The following GPR89B variants were observed in gnomAD, a reference collection of about 807,000 sequenced individuals.
GPR89B encodes the protein golgi pH regulator B.
In GPR89B, 25 loss-of-function variants were observed where a neutral mutation model predicts 52.4. The ratio of observed to expected loss-of-function variants is 0.48; its 90% CI spans 0.35 to 0.67. The LOEUF (loss-of-function observed/expected upper bound fraction) is 0.67. GPR89B is among the 30% of genes least tolerant of loss of function. GPR89B has a pLI of 0.01. For missense variants in GPR89B, 146 were observed against 450.2 expected (o/e 0.32, Z 6.11); for synonymous variants, 52 against 151.2 (o/e 0.34, Z 4.81).
intron 10 of GPR89B, among the ~76,000 whole-genome samples, chr1:147,977,233 C>CAAA (rs1191631857): frequency 6.3e-4 from 26 of 41,332 alleles, no homozygotes; most frequent in South Asian, 3.7e-3. Flanking sequence ...GACTCCATCT[C>CAAA]AAAAAAAAAA....
chr1:147,940,708 A>G (rs1490683443), intron 3 of GPR89B, among the ~76,000 whole-genome samples: 4 of 152,212 alleles, frequency 2.6e-5, no homozygotes, highest in Admixed American at 6.5e-5. Flanking sequence ...CCATGCTCCA[A>G]TAAACTTAAT....
intron 1 of GPR89B, among the ~76,000 whole-genome samples, chr1:147,931,754 A>G (rs1405219834): frequency 2.7e-5 from 4 of 150,170 alleles, no homozygotes; most frequent in Non-Finnish European, 4.4e-5. Flanking sequence ...GCCCCCAAGT[A>G]GTCTCCAGTT....
intron 1 of GPR89B, chr1:147,929,109 C>CAA: frequency 1.6e-6 from 1 of 627,684 alleles, no homozygotes; most frequent in Non-Finnish European, 2.0e-6. Flanking sequence ...TATAAGGTTT[C>CAA]GTTTTTGCAC....
chr1:148,006,600 A>C, the GPR89B span, among the ~76,000 whole-genome samples: 1 of 152,144 alleles, frequency 6.6e-6, no homozygotes, highest in Non-Finnish European at 1.5e-5. Context: ...TTAACTTATA[A>C]ATTAGGCACA....
chr1:147,965,324 C>G (rs1214177084), intron 7 of GPR89B, among the ~76,000 whole-genome samples: 3 of 150,962 alleles, frequency 2.0e-5, no homozygotes, highest in South Asian at 4.2e-4. Context: ...TTGTATTAGT[C>G]CCAGGCATAA....
chr1:147,970,541 A>ATC lies in GPR89B; in HGVS notation c.909+594_909+595dup, dbSNP rs1230663138. On this transcript the variant is annotated intron_variant, in intron 10 of 13. Coordinates refer to ENST00000314163, the MANE Select transcript of GPR89B (RefSeq NM_016334.5). ...TCTCTCTCTCTCTCTCTCTATCTCT[A>ATC]TCTCTCTCTCTCTATCTCTCTCTCT... Among the ~76,000 whole-genome samples the ATC allele has an allele frequency of 7.4e-5, 7 of 94,586 alleles. No homozygotes were observed. The South Asian group carries it at 1.5e-3, about 21-fold the overall frequency. The allele number at this position is 94,586 out of a possible 152,430, so 62.1% of individuals were successfully genotyped here.
chr1:147,992,610 T>C, intron 13 of GPR89B, 43 bp downstream of exon 13: 3 of 1,611,486 alleles, frequency 1.9e-6, no homozygotes, highest in Non-Finnish European at 2.5e-6. Flanking sequence ...CTGTAAAATA[T>C]CAGAAATGTG....
intron 5 of GPR89B, among the ~76,000 whole-genome samples, chr1:147,949,308 A>AG (rs1285509638): frequency 2.7e-5 from 4 of 148,858 alleles, no homozygotes; most frequent in South Asian, 2.1e-4. Context: ...GGCTGGGCAG[A>AG]GGGGCTCCTC....
chr1:147,986,310 A>G lies in GPR89B; in HGVS notation c.1005+16A>G, dbSNP rs1173794757. On this transcript the variant is annotated intron_variant, in intron 11 of 13. Transcript: ENST00000314163. ...CCAATTTGATGTAAGTGTTATATCA[A>G]GATCCTGGTTTGTCATGTTTCTGTT... The G allele has an allele frequency of 8.7e-6, 14 of 1,610,658 alleles. No homozygotes were observed. The highest frequency in any genetic ancestry group is 1.1e-5 in the Non-Finnish European group (13 of 1,179,076).
intron 10 of GPR89B, among the ~76,000 whole-genome samples, chr1:147,973,531 T>C (rs1218175540): frequency 2.6e-5 from 4 of 152,102 alleles, no homozygotes; most frequent in African/African-American, 9.7e-5. Flanking sequence ...TTTTTTCTTG[T>C]AAATTTGTTT....
chr1:147,940,539 A>G (rs1455836924), intron 3 of GPR89B, among the ~76,000 whole-genome samples: 1 of 152,094 alleles, frequency 6.6e-6, no homozygotes, highest in Non-Finnish European at 1.5e-5. Context: ...TGCATCTTTC[A>G]CTGCTATTTA....
At chr1:148,021,895 C>T in the GPR89B span, 1 of 147,968 alleles carries the variant, frequency 6.8e-6, no homozygotes, top group Non-Finnish European at 1.5e-5. Context: ...CCCCTGTTTT[C>T]ATCTACTCTT....
chr1:147,949,532 C>T (rs1471147813), intron 5 of GPR89B, among the ~76,000 whole-genome samples: 34 of 113,916 alleles, frequency 3.0e-4, no homozygotes, highest in Non-Finnish European at 3.6e-4. Flanking sequence ...CGGGCAGAGG[C>T]GCCCCTCACC....
At chr1:148,020,775 C>T in the GPR89B span, among the ~76,000 whole-genome samples, 283 of 152,106 alleles carry the variant, frequency 1.9e-3, 1 homozygote, top group Non-Finnish European at 3.5e-3. Context: ...GCAACCTCCA[C>T]CTTCCAGGCT....
At chr1:148,014,053 C>A in the GPR89B span, among the ~76,000 whole-genome samples, 1 of 151,140 alleles carries the variant, frequency 6.6e-6, no homozygotes, top group Non-Finnish European at 1.5e-5. Flanking sequence ...AGGAAAGCGA[C>A]GTCTCCCATG....
chr1:147,932,889 G>A (rs1653767214), intron 1 of GPR89B, among the ~76,000 whole-genome samples: 1 of 152,036 alleles, frequency 6.6e-6, no homozygotes, highest in Admixed American at 6.6e-5. Context: ...AGATTTTGGA[G>A]TCAAACAAGC....
chr1:147,938,260 T>A (rs1215958721), intron 2 of GPR89B, among the ~76,000 whole-genome samples: 5 of 152,134 alleles, frequency 3.3e-5, no homozygotes, highest in Admixed American at 3.3e-4. Context: ...CATTAAACTT[T>A]CCCAGGGAGT....
chr1:147,945,814 T>C (rs1375758730), intron 5 of GPR89B, among the ~76,000 whole-genome samples: 1 of 150,828 alleles, frequency 6.6e-6, no homozygotes, highest in Non-Finnish European at 1.5e-5. Flanking sequence ...AACCTCCGAC[T>C]CCCAGGCTCA....
chr1:147,963,722 A>G (rs1216921720), intron 7 of GPR89B, among the ~76,000 whole-genome samples: 1 of 152,098 alleles, frequency 6.6e-6, no homozygotes, highest in Non-Finnish European at 1.5e-5. Flanking sequence ...GAGCAACTGG[A>G]TCACTCATAC....
Sources: gnomAD v4.1 joint callset for allele counts (sites outside exome capture counted in the v4.1 genomes callset) on GRCh38, gnomAD v4.1.1 for gene constraint, MANE v1.5 for transcripts, NCBI Gene and HGNC (gene_info 2026-07-23, HGNC 2026-07-21) for gene names.